Variants in GRM7 observed in about 807,000 individuals in gnomAD.
GRM7 encodes metabotropic glutamate receptor 7.
Under a neutral mutation model 84.5 loss-of-function variants are expected in GRM7, and 35 were observed. The observed-to-expected ratio is 0.41, with a 90% CI of 0.32 to 0.55. The LOEUF is 0.55. Among genes scored for constraint, GRM7 ranks in the 20% least tolerant of loss-of-function variants. The pLI is 0.19. For synonymous variants in GRM7, 487 were observed against 455.1 expected (o/e 1.07, Z -0.89); for missense variants, 1,003 against 1,194.6 (o/e 0.84, Z 2.36).
chr3:6,869,920 A>G (rs1442702144), intron 1 of GRM7, among the ~76,000 whole-genome samples: 1 of 152,138 alleles, frequency 6.6e-6, no homozygotes. Context: ...GTTTTTTCCT[A>G]GAAATACTTA....
chr3:6,889,624 T>C (rs1695851447), intron 1 of GRM7, among the ~76,000 whole-genome samples: 1 of 152,196 alleles, frequency 6.6e-6, no homozygotes, highest in Non-Finnish European at 1.5e-5. Flanking sequence ...TGCTGCTGGA[T>C]TTGGTTTGCC....
chr3:6,884,207 T>G, intron 1 of GRM7: 1 of 152,658 alleles, frequency 6.6e-6, no homozygotes, highest in East Asian at 1.9e-4. Context: ...CCTGTTCTGT[T>G]TTATTTCTCC....
At chr3:7,596,935 A>G (rs1300761899) in intron 8 of GRM7, among the ~76,000 whole-genome samples, 1 of 152,196 alleles carries the variant, frequency 6.6e-6, no homozygotes, top group Non-Finnish European at 1.5e-5. Flanking sequence ...AAGAAGAGGA[A>G]ACTTAAAAGT....
chr3:6,956,279 G>A lies in GRM7; in HGVS notation c.519+94372G>A, dbSNP rs866135933. Among the ~76,000 whole-genome samples, 10 of 152,290 alleles carry A rather than the reference G, an allele frequency of 6.6e-5. No homozygotes were observed. In the South Asian group the frequency reaches 1.2e-3, roughly 19 times the overall value. On this transcript the variant is annotated intron_variant, in intron 1 of 9. Transcript: ENST00000357716. ...TCAAGTCTGAAGTCAACAGTCGAAA[G>A]GGGTTCTGATCTACAAATAATATTC...
intron 2 of GRM7, among the ~76,000 whole-genome samples, chr3:7,227,970 G>A (rs1311670570): frequency 6.6e-6 from 1 of 152,120 alleles, no homozygotes; most frequent in Admixed American, 6.5e-5. Flanking sequence ...CTACTTTAAT[G>A]GTTTTCATTC....
At chr3:7,388,106 A>G (rs1694855717) in intron 4 of GRM7, among the ~76,000 whole-genome samples, 1 of 152,050 alleles carries the variant, frequency 6.6e-6, no homozygotes, top group Admixed American at 6.6e-5. Context: ...TTATTGGTGG[A>G]TAGAAATTCT....
At chr3:7,436,635 T>A (rs1048439207) in intron 5 of GRM7, among the ~76,000 whole-genome samples, 1 of 152,184 alleles carries the variant, frequency 6.6e-6, no homozygotes, top group African/African-American at 2.4e-5. Flanking sequence ...CTCTGAATAT[T>A]GTGCTGTTTT....
At chr3:7,424,119 A>T (rs1483045237) in intron 5 of GRM7, among the ~76,000 whole-genome samples, 2 of 152,062 alleles carry the variant, frequency 1.3e-5, no homozygotes. Context: ...GGCCTTTCCC[A>T]TCCCCTCATC....
chr3:7,321,957 T>C (rs1025969271), intron 4 of GRM7, among the ~76,000 whole-genome samples: 3 of 152,116 alleles, frequency 2.0e-5, no homozygotes, highest in Non-Finnish European at 4.4e-5. Flanking sequence ...TCAGTGTGAA[T>C]GGCCTCTGGC....
At position 7,428,152 on chromosome 3, in the gene GRM7, GGA is replaced by G. The variant is rs551991167; in HGVS notation, c.1174+12991_1174+12992del. On this transcript the variant is annotated intron_variant, in intron 5 of 9. Coordinates refer to ENST00000357716, the MANE Select transcript of GRM7 (RefSeq NM_000844.4). ...GGAGCTTATACCATTGTTTCTAAAA[GGA>G]GCTCATTACTCTAGGCTTTGTGCTT... is the stretch of plus-strand genomic sequence containing the variant. Among the ~76,000 whole-genome samples, 10 of 152,230 alleles carry G rather than the reference GGA, an allele frequency of 6.6e-5. No individual in the cohort carries two copies. In the South Asian group the frequency reaches 2.1e-3, roughly 32 times the overall value.
intron 2 of GRM7, among the ~76,000 whole-genome samples, chr3:7,264,791 A>AC (rs71063295): frequency 1 from 152,250 of 152,252 alleles, 76,124 homozygotes; most frequent in Non-Finnish European, 1. Flanking sequence ...ATCTTCCAGT[A>AC]CTGCGGTACT....
chr3:6,882,882 G>T (rs1574965140), intron 1 of GRM7, among the ~76,000 whole-genome samples: 2 of 152,252 alleles, frequency 1.3e-5, no homozygotes, highest in Middle Eastern at 3.4e-3. Context: ...ACAGAAAAAT[G>T]AGAAAAACAT....
chr3:7,499,180 G>T (rs1158690245), intron 7 of GRM7, among the ~76,000 whole-genome samples: 1 of 152,130 alleles, frequency 6.6e-6, no homozygotes, highest in Non-Finnish European at 1.5e-5. Flanking sequence ...TAGTCTTTCT[G>T]CATGGTGGCC....
At chr3:7,243,706 C>T (rs1697649120) in intron 2 of GRM7, among the ~76,000 whole-genome samples, 1 of 152,040 alleles carries the variant, frequency 6.6e-6, no homozygotes, top group Non-Finnish European at 1.5e-5. Context: ...GGAATACATT[C>T]ATTCTAAGAG....
chr3:6,935,961 G>A (rs1033612126), intron 1 of GRM7, among the ~76,000 whole-genome samples: 3 of 152,024 alleles, frequency 2.0e-5, no homozygotes, highest in Admixed American at 6.6e-5. Context: ...TACCCACCTC[G>A]GACTCCCTGA....
intron 2 of GRM7, among the ~76,000 whole-genome samples, chr3:7,168,796 A>G (rs1482498213): frequency 6.6e-6 from 1 of 152,190 alleles, no homozygotes; most frequent in Non-Finnish European, 1.5e-5. Context: ...AACTACCAAG[A>G]CTAGTCCTAA....
chr3:7,585,856 T>C (rs1201823758), intron 8 of GRM7, among the ~76,000 whole-genome samples: 1 of 152,172 alleles, frequency 6.6e-6, no homozygotes, highest in Non-Finnish European at 1.5e-5. Flanking sequence ...CAGAGCGTGG[T>C]GTGCTGATGG....
chr3:7,538,231 T>C (rs1336895721), intron 7 of GRM7, among the ~76,000 whole-genome samples: 2 of 152,196 alleles, frequency 1.3e-5, no homozygotes, highest in African/African-American at 4.8e-5. Flanking sequence ...TGCCTCAGCC[T>C]CCTGAGAAGC....
At chr3:7,047,097 G>A (rs1696832514) in intron 1 of GRM7, among the ~76,000 whole-genome samples, 4 of 151,480 alleles carry the variant, frequency 2.6e-5, no homozygotes, top group African/African-American at 9.7e-5. Context: ...AGGGCCAGAA[G>A]AATTTAGTCT....
Sources: allele counts gnomAD v4.1 joint callset (sites outside exome capture counted in the v4.1 genomes callset), GRCh38; gene constraint gnomAD v4.1.1; transcripts MANE v1.5; gene names NCBI Gene and HGNC (gene_info 2026-07-23, HGNC 2026-07-21).